Variants in SLMAP observed in about 807,000 individuals in gnomAD.
SLMAP encodes sarcolemma associated protein, also known as sarcolemmal membrane-associated protein.
In SLMAP, 44 loss-of-function variants were observed where a neutral mutation model predicts 128.8. The observed-to-expected ratio is 0.34, with a 90% confidence interval of 0.27 to 0.44. The LOEUF is 0.44. Among genes scored for constraint, SLMAP ranks in the 20% least tolerant of loss-of-function variants. SLMAP has a pLI of 1.00. For missense variants in SLMAP, 787 were observed against 985.3 expected, an observed-to-expected ratio of 0.80 and a Z score of 2.69; for synonymous variants, 327 against 348.8, an observed-to-expected ratio of 0.94 and a Z score of 0.70.
intron 6 of SLMAP, among the ~76,000 whole-genome samples, chr3:57,850,187 G>C (rs1285602806): frequency 6.6e-6 from 1 of 151,636 alleles, no homozygotes; most frequent in Admixed American, 6.6e-5. Flanking sequence ...AGAAAAGAAG[G>C]GCAGAATTAA....
At chr3:57,859,086 G>A (rs1310250175) in intron 8 of SLMAP, among the ~76,000 whole-genome samples, 2 of 152,156 alleles carry the variant, frequency 1.3e-5, no homozygotes, top group African/African-American at 2.4e-5. Flanking sequence ...CACTTTGGGA[G>A]GCCAAGGCAG....
chr3:57,868,468 G>A (rs1423231767), intron 13 of SLMAP, among the ~76,000 whole-genome samples: 1 of 149,434 alleles, frequency 6.7e-6, no homozygotes, highest in Non-Finnish European at 1.5e-5. Context: ...GCATGTGCCT[G>A]TAATCCCAGC....
chr3:57,856,696 C>T (rs1056566338), intron 6 of SLMAP, among the ~76,000 whole-genome samples: 2 of 152,056 alleles, frequency 1.3e-5, no homozygotes, highest in African/African-American at 4.8e-5. Flanking sequence ...AGAAGGAATG[C>T]ACTCTATAAT....
intron 14 of SLMAP, among the ~76,000 whole-genome samples, chr3:57,882,817 T>C (rs992477682): frequency 9.2e-5 from 14 of 152,198 alleles, no homozygotes; most frequent in African/African-American, 3.1e-4. Flanking sequence ...TCTTCTGATA[T>C]GTGTTTATAA....
At position 57,897,143 on chromosome 3, in the gene SLMAP, C is replaced by T. The variant is rs3773017; in HGVS notation, c.1501+211C>T. 1,144 of 1,310,268 alleles carry T rather than the reference C, an allele frequency of 8.7e-4. 19 individuals are homozygous for T. In the East Asian group the frequency reaches 0.023, roughly 27 times the overall value. 81.2% of individuals were successfully genotyped at this position (1,310,268 alleles called of 1,614,324 possible). On this transcript the variant is annotated intron_variant, in intron 17 of 24. Coordinates refer to ENST00000671191, the MANE Select transcript of SLMAP (RefSeq NM_001377540.1). ...GAATAATTTGGATCAGTCAAGATTA[C>T]GAGGGACAAAGTGTTAAGTGGTAGA...
intron 2 of SLMAP, among the ~76,000 whole-genome samples, chr3:57,775,808 A>G (rs1191844400): frequency 6.6e-6 from 1 of 151,970 alleles, no homozygotes; most frequent in African/African-American, 2.4e-5. Flanking sequence ...CAAGTGATCT[A>G]TTGCCTGAGG....
chr3:57,802,380 C>T (rs563597802), intron 2 of SLMAP, among the ~76,000 whole-genome samples: 8 of 151,966 alleles, frequency 5.3e-5, no homozygotes, highest in East Asian at 3.9e-4. Context: ...TGGGTTCAAA[C>T]GATTCTCCTG....
In SLMAP at chr3:57,859,198, C is replaced by T. The variant is rs557767102; in HGVS notation, c.687+1039C>T. Among the ~76,000 whole-genome samples, 164 of 151,816 alleles carry T rather than the reference C, an allele frequency of 1.1e-3. 3 individuals carry two copies. The highest frequency in any genetic ancestry group is 1.2e-3 in the Non-Finnish European group (82 of 67,936). On this transcript the variant is annotated intron_variant, in intron 8 of 24. Transcript: ENST00000671191. ...AATTAGCTGGACATGGTGGCATGTA[C>T]CTGTAATCCAAGCTACTCAAGAGGC... is the stretch of plus-strand genomic sequence containing the variant.
chr3:57,759,768 C>G (rs1006762529), intron 2 of SLMAP, among the ~76,000 whole-genome samples: 4 of 152,328 alleles, frequency 2.6e-5, no homozygotes, highest in East Asian at 1.9e-4. Flanking sequence ...AATGCACTTT[C>G]TTTGATGAAA....
intron 2 of SLMAP, among the ~76,000 whole-genome samples, chr3:57,765,457 G>T (rs1187172747): frequency 6.6e-6 from 1 of 152,108 alleles, no homozygotes; most frequent in Non-Finnish European, 1.5e-5. Context: ...TTTTGGGTGG[G>T]AGGAAGAAGC....
chr3:57,880,695 C>T (rs1256070653), intron 14 of SLMAP, among the ~76,000 whole-genome samples: 2 of 151,558 alleles, frequency 1.3e-5, no homozygotes, highest in Non-Finnish European at 2.9e-5. Flanking sequence ...CTGGCCAACA[C>T]AGTGAGACCA....
chr3:57,922,747 A>G (rs2096940493), intron 22 of SLMAP, 142 bp from the exon 23 acceptor site: 8 of 745,598 alleles, frequency 1.1e-5, no homozygotes, highest in Non-Finnish European at 1.5e-5. Context: ...TTATGAGTGC[A>G]AGTTATTCCT....
At chr3:57,882,917 A>G (rs1224109660) in intron 14 of SLMAP, among the ~76,000 whole-genome samples, 1 of 152,034 alleles carries the variant, frequency 6.6e-6, no homozygotes, top group African/African-American at 2.4e-5. Context: ...CTATTTTATT[A>G]TCTGCTGTGT....
intron 6 of SLMAP, among the ~76,000 whole-genome samples, chr3:57,855,379 A>AAAAAG (rs755102938): frequency 1.5e-4 from 23 of 152,134 alleles, no homozygotes; most frequent in Non-Finnish European, 2.1e-4. Context: ...CTCTGTCTCA[A>AAAAAG]AAAAGAAAAG....
At chr3:57,840,203 T>C (rs2093864126) in intron 3 of SLMAP, among the ~76,000 whole-genome samples, 1 of 151,202 alleles carries the variant, frequency 6.6e-6, no homozygotes, top group African/African-American at 2.4e-5. Context: ...ATCCATCCAC[T>C]TTGGCCTCCC....
At chr3:57,850,035 G>T (rs1225483897) in intron 6 of SLMAP, among the ~76,000 whole-genome samples, 3 of 152,132 alleles carry the variant, frequency 2.0e-5, no homozygotes, top group African/African-American at 4.8e-5. Context: ...AATTAACCAG[G>T]TGTGATGGCG....
chr3:57,800,852 A>G (rs933608133), intron 2 of SLMAP: 1 of 169,822 alleles, frequency 5.9e-6, no homozygotes, highest in Admixed American at 6.3e-5. Context: ...TCAAATATAA[A>G]GTCATTCAGA....
intron 2 of SLMAP, among the ~76,000 whole-genome samples, chr3:57,782,441 T>C (rs889971212): frequency 3.3e-5 from 5 of 152,208 alleles, no homozygotes; most frequent in Admixed American, 6.5e-5. Context: ...AGTTAAAAAG[T>C]AGGAAAAGCC....
At chr3:57,797,098 C>T (rs1006199139) in intron 2 of SLMAP, among the ~76,000 whole-genome samples, 1 of 149,672 alleles carries the variant, frequency 6.7e-6, no homozygotes, top group Non-Finnish European at 1.5e-5. Flanking sequence ...AGAAGGATCA[C>T]TTGAGCCCAG....
Sources: gnomAD v4.1 joint callset for allele counts (sites outside exome capture counted in the v4.1 genomes callset) on GRCh38, gnomAD v4.1.1 for gene constraint, MANE v1.5 for transcripts, NCBI Gene and HGNC (gene_info 2026-07-23, HGNC 2026-07-21) for gene names.